The following WDR19 variants were observed in gnomAD, a reference collection of about 807,000 sequenced individuals.
WDR19 encodes the protein WD repeat-containing protein 19.
In WDR19, 121 loss-of-function variants were observed where a neutral mutation model predicts 180.0. The observed-to-expected ratio is 0.67, with a 90% CI of 0.58 to 0.78. The LOEUF is 0.78. Ranked by LOEUF, WDR19 falls within the 30% of genes least tolerant of loss-of-function variation. The probability of loss-of-function intolerance (pLI) is 0.00; values close to 1 mark genes in which losing one functional copy is unlikely to be tolerated. For synonymous variants in WDR19, 497 were observed against 540.7 expected, an observed-to-expected ratio of 0.92 and a Z score of 1.12; for missense variants, 1,450 against 1,640.7, an observed-to-expected ratio of 0.88 and a Z score of 2.01.
At chr4:39,199,150 A>T (rs1203683880) in intron 5 of WDR19, among the ~76,000 whole-genome samples, 2 of 152,216 alleles carry the variant, frequency 1.3e-5, no homozygotes, top group Non-Finnish European at 2.9e-5. Context: ...TGGATGACAG[A>T]GCCAGAATCT....
intron 32 of WDR19, 137 bp from the exon 33 acceptor site, chr4:39,274,671 A>T: frequency 9.9e-7 from 1 of 1,010,310 alleles, no homozygotes; most frequent in Non-Finnish European, 1.5e-6. Context: ...TAAACAGATC[A>T]TATCTGGTTC....
intron 28 of WDR19, among the ~76,000 whole-genome samples, chr4:39,265,299 C>G (rs2109480546): frequency 6.6e-6 from 1 of 152,106 alleles, no homozygotes; most frequent in African/African-American, 2.4e-5. Flanking sequence ...TTGCTCTTGT[C>G]CAGGCTCCCC....
At chr4:39,256,672 TAA>T (rs1733791950) in intron 27 of WDR19, among the ~76,000 whole-genome samples, 1 of 152,170 alleles carries the variant, frequency 6.6e-6, no homozygotes, top group African/African-American at 2.4e-5. Flanking sequence ...GCCTCTTAGA[TAA>T]AGTCCAAACT....
intron 5 of WDR19, among the ~76,000 whole-genome samples, chr4:39,198,583 G>A (rs1344622539): frequency 4.1e-5 from 6 of 147,520 alleles, no homozygotes; most frequent in Non-Finnish European, 7.5e-5. Flanking sequence ...ATTAACTTTG[G>A]AGCCAGGCAC....
intron 9 of WDR19, among the ~76,000 whole-genome samples, chr4:39,208,604 A>C (rs1214911295): frequency 1.3e-5 from 2 of 152,126 alleles, no homozygotes; most frequent in Non-Finnish European, 2.9e-5. Flanking sequence ...CGCCCAGCCT[A>C]GAATGTATTT....
rs1481726464 is a variant in WDR19 at position 39,203,736 on chromosome 4, T to TGTG, written c.603+14_603+15insGTG. On this transcript the variant is annotated intron_variant, in intron 7 of 36. Coordinates refer to ENST00000399820, the MANE Select transcript of WDR19 (RefSeq NM_025132.4). ...GCTGAAAGCATGGTAAGAATTCTAA[T>TGTG]CAAATCCACGTGCAAATCATTTGGG... The TGTG allele has an allele frequency of 6.2e-7, 1 of 1,604,894 alleles. No individual in the cohort carries two copies. Among genetic ancestry groups the TGTG allele is most frequent in the Non-Finnish European group, 8.5e-7 (1 of 1,174,602 alleles).
In WDR19 at chr4:39,205,737, G is replaced by T. The variant is rs1338996032; in HGVS notation, c.890+1G>T. On this transcript the variant is annotated splice_donor_variant, in intron 9 of 36. Transcript: ENST00000399820. LOFTEE classifies it high-confidence loss of function. ...AAGTTGCTACATGTGGAGATAACTG[G>T]TAAGTTATTTTCACATATTTTTAGG... 1.3e-6 allele frequency: 2 copies of T among 1,589,560 alleles called. No individual in the cohort carries two copies. The highest frequency in any genetic ancestry group is 1.7e-6 in the Non-Finnish European group (2 of 1,167,026).
chr4:39,197,730 A>G (rs1726919178), intron 5 of WDR19, among the ~76,000 whole-genome samples: 1 of 152,180 alleles, frequency 6.6e-6, no homozygotes, highest in Non-Finnish European at 1.5e-5. Context: ...TGGCTATCTG[A>G]TGTTACTCAT....
At chr4:39,272,738 A>C (rs1446165827) in intron 31 of WDR19, among the ~76,000 whole-genome samples, 4 of 152,230 alleles carry the variant, frequency 2.6e-5, no homozygotes, top group African/African-American at 9.6e-5. Context: ...ATTTGAACCC[A>C]TACCAAGTGG....
intron 32 of WDR19, 141 bp from the exon 33 acceptor site, chr4:39,274,667 G>C: frequency 2.0e-6 from 2 of 987,784 alleles, no homozygotes; most frequent in Non-Finnish European, 3.0e-6. Flanking sequence ...TCATTAAACA[G>C]ATCATATCTG....
In WDR19 at chr4:39,186,594, A is replaced by G. The variant is rs1560470902; in HGVS notation, c.154A>G (p.Asn52Asp). 6.3e-7 allele frequency: 1 copy of G among 1,581,698 alleles called. No homozygotes were observed. Residue 52 changes from asparagine (N) to aspartate (D), a missense_variant, in exon 3 of 37, where the codon AAC (asparagine) becomes GAC (aspartate). By Grantham distance (23) the Asn-to-Asp change is conservative (BLOSUM62 1). Transcript: ENST00000399820. ...DRHGQKRSEI[N>D]LPGNCVAMDW... ...CCATGGTCAAAAAAGAAGTGAAATTAACTTACCTGGGTAAGTACAGAAGTA... is the reference window on the plus strand; with the variant it reads ...CCATGGTCAAAAAAGAAGTGAAATTGACTTACCTGGGTAAGTACAGAAGTA...
At chr4:39,220,900 G>C (rs1396068454) in intron 14 of WDR19, among the ~76,000 whole-genome samples, 2 of 135,840 alleles carry the variant, frequency 1.5e-5, no homozygotes, top group African/African-American at 5.5e-5. Context: ...TTTTTTGATG[G>C]GGGTAGAAAC....
intron 9 of WDR19, among the ~76,000 whole-genome samples, chr4:39,212,647 A>G (rs1728672122): frequency 6.6e-6 from 1 of 152,174 alleles, no homozygotes; most frequent in African/African-American, 2.4e-5. Flanking sequence ...AAACAAATAA[A>G]TAAGATGAAA....
At chr4:39,188,494 G>A (rs973988522) in intron 3 of WDR19, among the ~76,000 whole-genome samples, 3 of 151,468 alleles carry the variant, frequency 2.0e-5, no homozygotes, top group East Asian at 1.9e-4. Flanking sequence ...GCAGAGGATC[G>A]CTTAAGCCCT....
Position 39,210,543 on chromosome 4 carries a change from C to T in WDR19, c.891-4058C>T, listed in dbSNP as rs570395292. On this transcript the variant is annotated intron_variant, in intron 9 of 36. Transcript: ENST00000399820. ...AAAACAAAATAGCCAGGCATGGCGGCATGTGCCTGTATTCCTAGCTACTCA... is the reference window on the plus strand; with the variant it reads ...AAAACAAAATAGCCAGGCATGGCGGTATGTGCCTGTATTCCTAGCTACTCA... Among the ~76,000 whole-genome samples, 7 of 151,726 alleles carry T rather than the reference C, an allele frequency of 4.6e-5. No individual in the cohort carries two copies. The East Asian group carries it at 1.4e-3, about 30-fold the overall frequency.
Position 39,199,421 on chromosome 4 carries a change from A to G in WDR19, c.407-57A>G. 2.2e-6 allele frequency: 3 copies of G among 1,351,450 alleles called. No individual in the cohort carries two copies. The South Asian group carries it at 3.8e-5, about 17-fold the overall frequency. 83.7% of individuals were successfully genotyped at this position (1,351,450 alleles called of 1,614,324 possible). A position where few individuals can be genotyped will look rare whatever the true frequency, so the allele number is the denominator to read the frequency against. On this transcript the variant is annotated intron_variant, in intron 5 of 36. Transcript: ENST00000399820. ...TTCTTGCTATATTCAGATTGGCATC[A>G]CAGATTTTTTTCTTTGAGAAATCCA...
intron 19 of WDR19, among the ~76,000 whole-genome samples, chr4:39,232,715 A>AT: frequency 6.6e-6 from 1 of 151,842 alleles, no homozygotes; most frequent in East Asian, 1.9e-4. Flanking sequence ...AAAAAAAAAA[A>AT]GGAAAGAACA....
chr4:39,210,774 G>A (rs930596824), intron 9 of WDR19, among the ~76,000 whole-genome samples: 5 of 152,180 alleles, frequency 3.3e-5, no homozygotes, highest in Admixed American at 1.3e-4. Flanking sequence ...ATTGCACAAA[G>A]TCCAGCACAC....
intron 9 of WDR19, among the ~76,000 whole-genome samples, chr4:39,209,086 TCAC>T (rs1485813198): frequency 6.6e-6 from 1 of 152,140 alleles, no homozygotes; most frequent in Non-Finnish European, 1.5e-5. Flanking sequence ...TGTGGAACAT[TCAC>T]CACAATAGAC....
Sources: allele counts gnomAD v4.1 joint callset (sites outside exome capture counted in the v4.1 genomes callset), GRCh38; gene constraint gnomAD v4.1.1; transcripts MANE v1.5; gene names NCBI Gene and HGNC (gene_info 2026-07-23, HGNC 2026-07-21).